Variants in ZNF765 observed in about 807,000 individuals in gnomAD.
The protein encoded by ZNF765 is zinc finger protein 765.
In ZNF765, 37 loss-of-function variants were observed where a neutral mutation model predicts 44.7. That is an observed-to-expected ratio of 0.83 (90% CI 0.64 to 1.09). The LOEUF is 1.09. ZNF765 is among the 50% of genes least tolerant of loss of function. ZNF765 has a pLI of 0.00. For synonymous variants in ZNF765, 201 were observed against 213.7 expected (o/e 0.94, Z 0.52); for missense variants, 594 against 626.1 (o/e 0.95, Z 0.55).
At chr19:53,406,328 C>T (rs1161302024) in intron 3 of ZNF765, among the ~76,000 whole-genome samples, 5 of 151,830 alleles carry the variant, frequency 3.3e-5, no homozygotes, top group African/African-American at 1.2e-4. Flanking sequence ...CGTGTCCAGC[C>T]GTTAGTCAAT....
chr19:53,402,189 T>C lies in ZNF765; in HGVS notation c.140T>C (p.Leu47Pro), dbSNP rs748568131. ...MLENYRNLVSLDISSKCMMKE... is the reference protein window; with the variant it reads ...MLENYRNLVSPDISSKCMMKE... The stretch of plus-strand genomic sequence containing the variant: ...GAGAATTATAGGAACCTGGTCTCCC[T>C]GGGTGAGGATGACTTCCCTCCTGGG... Residue 47 changes from leucine to proline, a missense_variant and splice_region_variant, in exon 3 of 4, where the codon CTG becomes CCG. Physicochemically the swap from Leu to Pro is moderately conservative, Grantham distance 98. Around this residue, in one of 2 missense-constraint regions of ZNF765, gnomAD observed 567 missense variants for 572.6 expected, o/e 0.99. Coordinates refer to ENST00000396408, the MANE Select transcript of ZNF765 (RefSeq NM_001040185.3). The C allele has an allele frequency of 1.9e-6, 3 of 1,612,820 alleles. No homozygotes were observed. In the Admixed American group the frequency reaches 5.0e-5, roughly 27 times the overall value.
Position 53,400,783 on chromosome 19 carries a change from T to TATATATATATATATACAC in ZNF765, c.16-1281_16-1280insTATATATATATATACACA, listed in dbSNP as rs10664389. On this transcript the variant is annotated intron_variant, in intron 2 of 3. Transcript: ENST00000396408. The stretch of plus-strand genomic sequence containing the variant: ...GTTGACATATATATATATATATATA[T>TATATATATATATATACAC]ACACACATACATAAAATGGATTTTC... Among the ~76,000 whole-genome samples the TATATATATATATATACAC allele has an allele frequency of 9.0e-4, 114 of 126,772 alleles. 1 individual carries two copies. The highest frequency in any genetic ancestry group is 4.2e-3 in the Middle Eastern group (1 of 238). The allele number at this position is 126,772 out of a possible 152,430, so 83.2% of individuals were successfully genotyped here.
chr19:53,401,836 A>G, intron 2 of ZNF765: 20 of 1,141,700 alleles, frequency 1.8e-5, no homozygotes, highest in Non-Finnish European at 2.3e-5. Flanking sequence ...AGACTGTGCC[A>G]TTGCACTCCA....
chr19:53,414,498 C>A (rs868257531), downstream of ZNF765, among the ~76,000 whole-genome samples: 2,590 of 28,886 alleles, frequency 0.09, 831 homozygotes, highest in East Asian at 0.25. Context: ...CACCCCCCCC[C>A]CCCCCCCCCC....
Position 53,418,464 on chromosome 19 carries a change from C to G in ZNF765, c.143-4598C>G, listed in dbSNP as rs531694093. On this transcript the variant is annotated intron_variant, in intron 3 of 3. Coordinates refer to the ZNF765 transcript ENST00000594030. ...GAACCACAATCCCATATCTAGCAGCCTGGCTGCTGCCCTCTCATATAATAC... is the reference window on the plus strand; with the variant it reads ...GAACCACAATCCCATATCTAGCAGCGTGGCTGCTGCCCTCTCATATAATAC... Among the ~76,000 whole-genome samples, 157 of 152,304 alleles carry G rather than the reference C, an allele frequency of 1.0e-3. 1 individual carries two copies. Among genetic ancestry groups the G allele is most frequent in the African/African-American group, 3.6e-3 (150 of 41,556 alleles).
chr19:53,401,963 A>G (rs1261862650), intron 2 of ZNF765, 102 bp from the exon 3 acceptor site: 2 of 1,611,492 alleles, frequency 1.2e-6, no homozygotes, highest in East Asian at 2.2e-5. Context: ...TAGAACATTC[A>G]CTGCATTTAA....
At chr19:53,401,431 T>G (rs575869497) in intron 2 of ZNF765, among the ~76,000 whole-genome samples, 3 of 151,468 alleles carry the variant, frequency 2.0e-5, no homozygotes, top group African/African-American at 7.3e-5. Flanking sequence ...GGCGTGGTGG[T>G]GGGCGCCTGT....
At chr19:53,401,786 G>A in intron 2 of ZNF765, 2 of 674,222 alleles carry the variant, frequency 3.0e-6, no homozygotes, top group South Asian at 3.4e-5. Context: ...TAAGGCAGGA[G>A]AATCGTTTGA....
At chr19:53,401,415 T>C (rs1314074928) in intron 2 of ZNF765, among the ~76,000 whole-genome samples, 1 of 151,422 alleles carries the variant, frequency 6.6e-6, no homozygotes, top group African/African-American at 2.4e-5. Context: ...TACAAAAAAT[T>C]AGCTGGGCGT....
rs746270537 is a variant in ZNF765 at position 53,423,076 on chromosome 19, T to C, written c.157T>C (p.Cys53Arg). The C allele has an allele frequency of 1.2e-4, 84 of 699,686 alleles. 1 individual carries two copies. The highest frequency in any genetic ancestry group is 1.1e-3 in the South Asian group (76 of 67,506). The allele number at this position is 699,686 out of a possible 1,614,324, so 43.3% of individuals were successfully genotyped here. ...TGTGTCCACAGAGTTGTCAGGGGAG[T>C]GTCCATTGGCAGCACCTGCCTCCTG... is the stretch of plus-strand genomic sequence containing the variant. Residue 53 changes from cysteine (C) to arginine (R), a missense_variant, in exon 4 of 4, where the codon TGT becomes CGT. By Grantham distance (180) the Cys-to-Arg change is radical (BLOSUM62 -3). Coordinates refer to the ZNF765 transcript ENST00000594030.
chr19:53,408,872 A>AT lies in ZNF765; in HGVS notation c.1318dup (p.Cys440LeufsTer2), dbSNP rs1232735770. ...TTCATAGTGGAGAGAAACCTTACAA[A>AT]TGTGAAGAATGTGACAAAGCCTACA... is the stretch of plus-strand genomic sequence containing the variant. On this transcript the variant is annotated frameshift_variant, in exon 4 of 4. Coordinates refer to ENST00000396408, the MANE Select transcript of ZNF765 (RefSeq NM_001040185.3). LOFTEE classifies it high-confidence loss of function. 2.5e-6 allele frequency: 4 copies of AT among 1,613,950 alleles called. No individual in the cohort carries two copies. In the South Asian group the frequency reaches 4.4e-5, roughly 18 times the overall value.
At chr19:53,416,867 G>A, downstream of ZNF765, among the ~76,000 whole-genome samples, 1 of 151,692 alleles carries the variant, frequency 6.6e-6, no homozygotes, top group Non-Finnish European at 1.5e-5. Flanking sequence ...GCCCAGGCTG[G>A]GGAGCAGTGT....
Position 53,404,328 on chromosome 19 carries a change from G to A in ZNF765, c.142+2137G>A, listed in dbSNP as rs575257521. Reference sequence around the variant, plus strand: ...TGCCCTAAAGTGATCCACCAACCTCGGCCTCCTAAACTACTGGGATTATAG... The same window carrying A: ...TGCCCTAAAGTGATCCACCAACCTCAGCCTCCTAAACTACTGGGATTATAG... On this transcript the variant is annotated intron_variant, in intron 3 of 3. Coordinates refer to ENST00000396408, the MANE Select transcript of ZNF765 (RefSeq NM_001040185.3). 2.0e-5 allele frequency among the ~76,000 whole-genome samples: 3 copies of A among 152,216 alleles called. No homozygotes were observed. The East Asian group carries it at 5.8e-4, about 29-fold the overall frequency.
chr19:53,420,668 C>T (rs2085901595), intron 3 of ZNF765, among the ~76,000 whole-genome samples: 1 of 152,124 alleles, frequency 6.6e-6, no homozygotes, highest in African/African-American at 2.4e-5. Flanking sequence ...CTAGCCCCAA[C>T]CCTGTCATTG....
At chr19:53,395,979 A>C (rs1295289655) in intron 1 of ZNF765, among the ~76,000 whole-genome samples, 1 of 141,168 alleles carries the variant, frequency 7.1e-6, no homozygotes, top group African/African-American at 2.6e-5. Context: ...GGGATTTGCC[A>C]GACACAGCAA....
intron 3 of ZNF765, among the ~76,000 whole-genome samples, chr19:53,417,326 A>G (rs1055080638): frequency 6.6e-6 from 1 of 151,788 alleles, no homozygotes; most frequent in African/African-American, 2.4e-5. Flanking sequence ...GTTCCCCTCT[A>G]TGTATCTGTC....
rs2085834635 is a variant in ZNF765, at chr19:53,411,600, A to G, written c.*2473A>G. On this transcript the variant is annotated 3_prime_UTR_variant, in exon 4 of 4. Coordinates refer to ENST00000396408, the MANE Select transcript of ZNF765 (RefSeq NM_001040185.3). ...AGCCACTGCGCCCAGCCCCAGTGAT[A>G]AGGATTTTTATGGGTACCGTGTTGA... 6.6e-6 allele frequency: 1 copy of G among 152,266 alleles called. No homozygotes were observed. The highest frequency in any genetic ancestry group is 6.5e-5 in the Admixed American group (1 of 15,280). The allele number at this position is 152,266 out of a possible 1,614,324, so 9.4% of individuals were successfully genotyped here.
chr19:53,401,445 C>T (rs546330706), intron 2 of ZNF765, among the ~76,000 whole-genome samples: 2 of 152,130 alleles, frequency 1.3e-5, no homozygotes, highest in East Asian at 3.9e-4. Context: ...CGCCTGTAGT[C>T]CCAGCTACTC....
rs765444936 is a variant in ZNF765 at position 53,408,771 on chromosome 19, A to G, written c.1216A>G (p.Thr406Ala). 1.2e-5 allele frequency: 19 copies of G among 1,613,910 alleles called. No individual in the cohort carries two copies. The East Asian group carries it at 2.5e-4, about 21-fold the overall frequency. ...TCTTACATACCATCGTAGACTTCAT[A>G]CTGAAGAGAAACCTTACAAGTGTAA... The part of the protein sequence containing the change: ...SSLTYHRRLH[T>A]EEKPYKCNEC... The change falls in exon 4 of 4, where the codon ACT (threonine) becomes GCT (alanine). Residue 406 changes from threonine (T) to alanine (A), a missense_variant. By Grantham distance (58) the Thr-to-Ala change is moderately conservative. Coordinates refer to ENST00000396408, the MANE Select transcript of ZNF765 (RefSeq NM_001040185.3).
Sources: allele counts gnomAD v4.1 joint callset (sites outside exome capture counted in the v4.1 genomes callset), GRCh38; gene constraint gnomAD v4.1.1; regional missense constraint gnomAD v4.1.1; transcripts MANE v1.5; gene names NCBI Gene and HGNC (gene_info 2026-07-23, HGNC 2026-07-21).